Variants in PCDHA8 observed in about 807,000 individuals in gnomAD.
PCDHA8 encodes protocadherin alpha-8.
PCDHA8 carries 53 observed loss-of-function variants against 61.8 expected under a neutral mutation model. The ratio of observed to expected loss-of-function variants is 0.86; its 90% CI spans 0.69 to 1.08. PCDHA8 has a LOEUF of 1.08. Ranked by LOEUF, PCDHA8 falls within the 50% of genes least tolerant of loss-of-function variation. PCDHA8 has a pLI of 0.00. For missense variants in PCDHA8, 1,293 were observed against 1,245.0 expected, an observed-to-expected ratio of 1.04 and a Z score of -0.58; for synonymous variants, 618 against 556.6, an observed-to-expected ratio of 1.11 and a Z score of -1.55.
intron 1 of PCDHA8, chr5:140,928,137 C>A (rs537220203): frequency 6.2e-7 from 1 of 1,614,182 alleles, no homozygotes; most frequent in South Asian, 1.1e-5. Flanking sequence ...AAGTCCTGAT[C>A]ACGGCCTCAG....
chr5:141,010,869 A>T lies in PCDHA8; in HGVS notation c.*932A>T, dbSNP rs1434984330. The T allele has an allele frequency of 1.3e-5, 2 of 153,786 alleles. No individual in the cohort carries two copies. Among genetic ancestry groups the T allele is most frequent in the African/African-American group, 4.8e-5 (2 of 41,464 alleles). The allele number at this position is 153,786 out of a possible 1,614,324, so 9.5% of individuals were successfully genotyped here. On this transcript the variant is annotated 3_prime_UTR_variant, in exon 4 of 4. Coordinates refer to ENST00000531613, the MANE Select transcript of PCDHA8 (RefSeq NM_018911.3). Reference sequence around the variant, plus strand: ...AAAAAAAGAGAAAGTCTATAGCTATAAATCTTTAAAGAGAAATATGAATAC... The same window carrying T: ...AAAAAAAGAGAAAGTCTATAGCTATTAATCTTTAAAGAGAAATATGAATAC...
intron 1 of PCDHA8, chr5:140,851,591 T>C: frequency 1.1e-6 from 1 of 917,932 alleles, no homozygotes. Context: ...TTTTTTGAAA[T>C]TCAGTTTACA....
intron 1 of PCDHA8, among the ~76,000 whole-genome samples, chr5:140,945,576 T>G (rs1383348275): frequency 6.6e-6 from 1 of 152,064 alleles, no homozygotes; most frequent in African/African-American, 2.4e-5. Context: ...ACTACCTGGC[T>G]TCAAAATATA....
At chr5:140,966,836 C>T in intron 1 of PCDHA8, 1 of 1,565,250 alleles carries the variant, frequency 6.4e-7, no homozygotes, top group Non-Finnish European at 8.6e-7. Context: ...GCCCTGGCTG[C>T]TGCTACTGCC....
At chr5:140,852,749 G>A in intron 1 of PCDHA8, 3 of 984,204 alleles carry the variant, frequency 3.0e-6, no homozygotes, top group Non-Finnish European at 2.4e-6. Flanking sequence ...ATTTAAACTT[G>A]GACCCAGGTA....
At chr5:140,890,530 T>G (rs2062685019) in intron 1 of PCDHA8, among the ~76,000 whole-genome samples, 1 of 152,222 alleles carries the variant, frequency 6.6e-6, no homozygotes. Flanking sequence ...TTGTTGATCT[T>G]CTTTTGAAAT....
chr5:140,987,043 A>G (rs1406153632), intron 3 of PCDHA8, among the ~76,000 whole-genome samples: 5 of 151,912 alleles, frequency 3.3e-5, no homozygotes, highest in Non-Finnish European at 7.4e-5. Flanking sequence ...GCGAAACCCC[A>G]TCTCTACTAA....
intron 1 of PCDHA8, chr5:140,927,627 T>G (rs145171269): frequency 6.2e-7 from 1 of 1,614,180 alleles, no homozygotes; most frequent in Non-Finnish European, 8.5e-7. Context: ...TTCCAGAGAC[T>G]GCACCCAATG....
At chr5:140,854,558 G>A (rs1344773407) in intron 1 of PCDHA8, 1 of 149,764 alleles carries the variant, frequency 6.7e-6, no homozygotes, top group East Asian at 1.9e-4. Flanking sequence ...CATAAATATT[G>A]TTGCTCTGTC....
chr5:140,997,814 T>C (rs2097786801), intron 3 of PCDHA8, among the ~76,000 whole-genome samples: 1 of 152,212 alleles, frequency 6.6e-6, no homozygotes, highest in Admixed American at 6.5e-5. Context: ...GCTGTTGGTA[T>C]CTATGTTTTC....
intron 1 of PCDHA8, among the ~76,000 whole-genome samples, chr5:140,900,485 C>T (rs577392455): frequency 6.6e-5 from 10 of 152,310 alleles, no homozygotes; most frequent in African/African-American, 2.2e-4. Flanking sequence ...CCATGTTGGT[C>T]AGACTGGTCT....
intron 1 of PCDHA8, chr5:140,860,142 T>C (rs1288609086): frequency 1.3e-5 from 2 of 149,904 alleles, no homozygotes; most frequent in Admixed American, 6.7e-5. Flanking sequence ...TGTATATATA[T>C]GTATATATGT....
chr5:140,884,819 A>G (rs782729760), intron 1 of PCDHA8: 398 of 1,018,150 alleles, frequency 3.9e-4, no homozygotes, highest in Admixed American at 1.1e-3. Context: ...TGTGGACATT[A>G]TGTGTTGGAT....
rs1171497178 is a variant in PCDHA8, at chr5:140,993,431, C to A, written c.2542+10868C>A. 2.7e-5 allele frequency among the ~76,000 whole-genome samples: 4 copies of A among 149,406 alleles called. No homozygotes were observed. The Admixed American group carries it at 2.7e-4, about 10-fold the overall frequency. On this transcript the variant is annotated intron_variant, in intron 3 of 3. Coordinates refer to ENST00000531613, the MANE Select transcript of PCDHA8 (RefSeq NM_018911.3). ...TCATCAGCATTTCTCTTTTAAAATC[C>A]TTATTCATTCCTGTTCTCCTTCTTT...
intron 1 of PCDHA8, among the ~76,000 whole-genome samples, chr5:140,957,575 T>C (rs1437290620): frequency 6.6e-6 from 1 of 152,152 alleles, no homozygotes; most frequent in African/African-American, 2.4e-5. Flanking sequence ...ACTACTGTAC[T>C]TTTAACAAAG....
intron 1 of PCDHA8, chr5:140,856,890 G>GTATT: frequency 6.3e-7 from 1 of 1,596,172 alleles, no homozygotes; most frequent in Non-Finnish European, 8.6e-7. Context: ...TATTCATTTA[G>GTATT]CTCTTTGGTC....
At chr5:140,963,068 G>C (rs1472395054) in intron 1 of PCDHA8, among the ~76,000 whole-genome samples, 3 of 152,064 alleles carry the variant, frequency 2.0e-5, no homozygotes, top group African/African-American at 7.2e-5. Context: ...CATTGTGAAG[G>C]AGACAGAAAT....
chr5:140,884,396 C>CT, intron 1 of PCDHA8: 1 of 1,614,012 alleles, frequency 6.2e-7, no homozygotes, highest in South Asian at 1.1e-5. Flanking sequence ...GGTGTCCAGC[C>CT]TGTTGGTGCT....
intron 1 of PCDHA8, among the ~76,000 whole-genome samples, chr5:140,913,649 T>A (rs1284685382): frequency 1.3e-5 from 2 of 152,166 alleles, no homozygotes; most frequent in Non-Finnish European, 2.9e-5. Flanking sequence ...TTTCTAGTTC[T>A]TTAAGATGTA....
Sources: gnomAD v4.1 joint callset for allele counts (sites outside exome capture counted in the v4.1 genomes callset) on GRCh38, gnomAD v4.1.1 for gene constraint, MANE v1.5 for transcripts, NCBI Gene and HGNC (gene_info 2026-07-23, HGNC 2026-07-21) for gene names.